DLG2: variants seen among roughly 807,000 people sequenced by gnomAD.
The protein encoded by DLG2 is disks large homolog 2.
Under a neutral mutation model 132.5 loss-of-function variants are expected in DLG2, and 45 were observed. That is an observed-to-expected ratio of 0.34 (90% CI 0.27 to 0.44). The LOEUF is 0.44. Ranked by LOEUF, DLG2 falls within the 20% of genes least tolerant of loss-of-function variation. The pLI is 1.00. For synonymous variants in DLG2, 424 were observed against 419.6 expected (o/e 1.01, Z -0.13); for missense variants, 1,045 against 1,196.9 (o/e 0.87, Z 1.87).
At chr11:83,836,839 A>C (rs2056304924) in intron 16 of DLG2, among the ~76,000 whole-genome samples, 1 of 152,204 alleles carries the variant, frequency 6.6e-6, no homozygotes. Context: ...ACATTTGTAA[A>C]TGATTCCTTT....
rs191520291 is a variant in DLG2, at chr11:84,699,342, G to C, written c.358-164611C>G. ...AGAGTAGAAATAATGTCGTTAAAGT[G>C]TCTGATGCACAGGCTAAATATAATA... On this transcript the variant is annotated intron_variant, in intron 6 of 27. Transcript: ENST00000376104. Among the ~76,000 whole-genome samples the C allele has an allele frequency of 2.9e-3, 446 of 151,606 alleles. 1 individual carries two copies. Among genetic ancestry groups the C allele is most frequent in the African/African-American group, 0.01 (434 of 41,448 alleles).
intron 18 of DLG2, among the ~76,000 whole-genome samples, chr11:83,701,715 G>C (rs908778856): frequency 1.3e-5 from 2 of 152,232 alleles, no homozygotes; most frequent in African/African-American, 4.8e-5. Flanking sequence ...CTTGAAATGT[G>C]TGTATATACA....
At chr11:85,175,166 A>T (rs568254152) in intron 4 of DLG2, among the ~76,000 whole-genome samples, 20 of 152,324 alleles carry the variant, frequency 1.3e-4, no homozygotes, top group South Asian at 1.2e-3. Flanking sequence ...ACAACAAAAA[A>T]AGAAAACTTC....
chr11:85,091,720 C>T (rs2068813532), intron 6 of DLG2, among the ~76,000 whole-genome samples: 1 of 152,200 alleles, frequency 6.6e-6, no homozygotes, highest in South Asian at 2.1e-4. Context: ...CCGTAACAAG[C>T]AACTCTTCAT....
At chr11:84,076,345 G>C (rs1181451077) in intron 10 of DLG2, among the ~76,000 whole-genome samples, 1 of 152,160 alleles carries the variant, frequency 6.6e-6, no homozygotes, top group Non-Finnish European at 1.5e-5. Flanking sequence ...TGTGACAACA[G>C]CTGCAGGAGG....
chr11:85,488,742 C>T (rs970814749), intron 3 of DLG2, among the ~76,000 whole-genome samples: 2 of 152,248 alleles, frequency 1.3e-5, no homozygotes, highest in East Asian at 3.9e-4. Context: ...GCCCATAATT[C>T]TATATCTAGC....
chr11:83,919,781 C>G (rs1305527212), intron 15 of DLG2, among the ~76,000 whole-genome samples: 1 of 152,144 alleles, frequency 6.6e-6, no homozygotes, highest in Non-Finnish European at 1.5e-5. Context: ...ATCTCTGAAC[C>G]TATGTTAGCA....
intron 8 of DLG2, among the ~76,000 whole-genome samples, chr11:84,214,218 A>T (rs1449441446): frequency 6.9e-6 from 1 of 145,306 alleles, no homozygotes; most frequent in African/African-American, 2.6e-5. Context: ...TATATATATG[A>T]ATACATATAT....
chr11:83,949,946 T>C lies in DLG2; in HGVS notation c.1340+12939A>G, dbSNP rs531581819. Among the ~76,000 whole-genome samples, 14 of 152,340 alleles carry C rather than the reference T, an allele frequency of 9.2e-5. No homozygotes were observed. In the East Asian group the frequency reaches 1.7e-3, roughly 19 times the overall value. Reference sequence around the variant, plus strand: ...TAATCACCATAAGTTTTATAAGTTATAATTTGGAGACTAGTTCCCAGATGT... The same window carrying C: ...TAATCACCATAAGTTTTATAAGTTACAATTTGGAGACTAGTTCCCAGATGT... On this transcript the variant is annotated intron_variant, in intron 14 of 27. Coordinates refer to ENST00000376104, the MANE Select transcript of DLG2 (RefSeq NM_001142699.3).
At chr11:84,237,022 G>C (rs1025142056) in intron 8 of DLG2, among the ~76,000 whole-genome samples, 1 of 149,808 alleles carries the variant, frequency 6.7e-6, no homozygotes, top group East Asian at 2.0e-4. Context: ...TCCGCCTCCC[G>C]GGTTCCAGCG....
At chr11:83,575,410 G>A (rs2096859274) in intron 19 of DLG2, among the ~76,000 whole-genome samples, 1 of 152,186 alleles carries the variant, frequency 6.6e-6, no homozygotes, top group African/African-American at 2.4e-5. Context: ...AGAATCTGAA[G>A]AGATCAACAT....
chr11:85,581,898 T>C (rs181970282), intron 3 of DLG2, among the ~76,000 whole-genome samples: 4 of 152,258 alleles, frequency 2.6e-5, no homozygotes, highest in African/African-American at 7.2e-5. Flanking sequence ...GAAGGTGAGG[T>C]ATATTGCATT....
At chr11:84,715,268 T>A (rs1246048582) in intron 6 of DLG2, among the ~76,000 whole-genome samples, 1 of 152,164 alleles carries the variant, frequency 6.6e-6, no homozygotes, top group Non-Finnish European at 1.5e-5. Flanking sequence ...CTTTTAAAAC[T>A]GTAAATATTC....
chr11:83,939,750 A>G (rs527968922), intron 14 of DLG2, among the ~76,000 whole-genome samples: 22 of 152,328 alleles, frequency 1.4e-4, no homozygotes, highest in Admixed American at 9.1e-4. Context: ...CACATTTTCT[A>G]AAGTAGAATT....
chr11:84,876,943 C>T (rs2086441910), intron 6 of DLG2, among the ~76,000 whole-genome samples: 1 of 152,176 alleles, frequency 6.6e-6, no homozygotes, highest in Non-Finnish European at 1.5e-5. Flanking sequence ...GTTATTTACA[C>T]AGCAGTCATT....
chr11:84,776,368 G>T (rs1450033242), intron 6 of DLG2, among the ~76,000 whole-genome samples: 2 of 151,994 alleles, frequency 1.3e-5, no homozygotes, highest in Non-Finnish European at 2.9e-5. Flanking sequence ...TGTTGCCCAG[G>T]CTGGTCTTGA....
intron 6 of DLG2, among the ~76,000 whole-genome samples, chr11:84,699,159 T>G (rs1565695595): frequency 6.6e-6 from 1 of 151,486 alleles, no homozygotes; most frequent in South Asian, 2.1e-4. Flanking sequence ...CTTGGAAAAG[T>G]GCAAATGGAT....
chr11:84,623,324 C>T (rs1489796947), intron 6 of DLG2, among the ~76,000 whole-genome samples: 2 of 152,104 alleles, frequency 1.3e-5, no homozygotes, highest in Non-Finnish European at 2.9e-5. Context: ...AACTTGCTCC[C>T]TCCCTATCAA....
At chr11:84,001,122 A>C (rs1292481565) in intron 11 of DLG2, among the ~76,000 whole-genome samples, 3 of 152,088 alleles carry the variant, frequency 2.0e-5, no homozygotes, top group Non-Finnish European at 4.4e-5. Context: ...AAACAGATTA[A>C]ATTCTTTACT....
Sources: allele counts gnomAD v4.1 joint callset (sites outside exome capture counted in the v4.1 genomes callset), GRCh38; gene constraint gnomAD v4.1.1; transcripts MANE v1.5; gene names NCBI Gene and HGNC (gene_info 2026-07-23, HGNC 2026-07-21).